Variants in CRAMP1 observed in about 807,000 individuals in gnomAD.
CRAMP1 encodes the protein cramped chromatin regulator 1, also known as protein cramped-like.
Under a neutral mutation model 115.4 loss-of-function variants are expected in CRAMP1, and 50 were observed. That is an observed-to-expected ratio of 0.43 (90% CI 0.35 to 0.55). The LOEUF is 0.55. Ranked by LOEUF, CRAMP1 falls within the 20% of genes least tolerant of loss-of-function variation. CRAMP1 has a pLI of 0.01. For missense variants in CRAMP1, 1,679 were observed against 1,721.7 expected, an observed-to-expected ratio of 0.98 and a Z score of 0.44; for synonymous variants, 866 against 745.4, an observed-to-expected ratio of 1.16 and a Z score of -2.64.
intron 5 of CRAMP1, among the ~76,000 whole-genome samples, chr16:1,638,312 C>G (rs1427560823): frequency 6.6e-6 from 1 of 152,224 alleles, no homozygotes; most frequent in Non-Finnish European, 1.5e-5. Flanking sequence ...TACCTAATTT[C>G]CTGCCCATAT....
rs2036948554 is a variant in CRAMP1, at chr16:1,674,258, T to C, written c.*213T>C. On this transcript the variant is annotated 3_prime_UTR_variant, in exon 21 of 21. Transcript: ENST00000397412. The stretch of plus-strand genomic sequence containing the variant: ...TCTTGGCAAGGGCCAGCGTTAGAAA[T>C]CACTGTGGTACTAGAGCCGTTCTTC... 1.7e-6 allele frequency: 1 copy of C among 589,458 alleles called. No homozygotes were observed. The highest frequency in any genetic ancestry group is 3.0e-6 in the Non-Finnish European group (1 of 331,986). 36.5% of individuals were successfully genotyped at this position (589,458 alleles called of 1,614,324 possible). A position where few individuals can be genotyped will look rare whatever the true frequency, so the allele number is the denominator to read the frequency against.
At chr16:1,653,713 C>T (rs773505307) in intron 8 of CRAMP1, among the ~76,000 whole-genome samples, 2 of 149,326 alleles carry the variant, frequency 1.3e-5, no homozygotes, top group African/African-American at 2.5e-5. Context: ...CCCAGCTACT[C>T]GGGAGGCTGA....
At chr16:1,626,303 G>A (rs747632277) in intron 3 of CRAMP1, 137 bp downstream of exon 3, 11 of 670,250 alleles carry the variant, frequency 1.6e-5, no homozygotes, top group Non-Finnish European at 2.4e-5. Context: ...GGCGGAGGCT[G>A]ATGTGGGCTC....
intron 2 of CRAMP1, among the ~76,000 whole-genome samples, chr16:1,622,302 C>T (rs1439254891): frequency 6.6e-6 from 1 of 152,186 alleles, no homozygotes; most frequent in Admixed American, 6.5e-5. Flanking sequence ...TATCTGAGTT[C>T]AGGAGCTCGT....
chr16:1,641,340 G>A (rs1476836586), intron 6 of CRAMP1, among the ~76,000 whole-genome samples, 153 bp downstream of exon 6: 2 of 152,156 alleles, frequency 1.3e-5, no homozygotes. Flanking sequence ...AAAGGTGCTT[G>A]GTCCAGGGAG....
intron 10 of CRAMP1, 115 bp downstream of exon 10, chr16:1,657,107 C>G (rs2036783099): frequency 4.0e-6 from 4 of 991,740 alleles, no homozygotes; most frequent in East Asian, 2.7e-5. Flanking sequence ...ATGAGAGAGA[C>G]AGGGTCCTGT....
intron 2 of CRAMP1, among the ~76,000 whole-genome samples, chr16:1,622,486 G>A (rs903562617): frequency 3.3e-5 from 5 of 152,144 alleles, no homozygotes; most frequent in African/African-American, 1.2e-4. Context: ...CTCCAGCCTG[G>A]GTGACAGAGC....
chr16:1,628,803 G>C (rs2142175440), intron 3 of CRAMP1, among the ~76,000 whole-genome samples: 1 of 152,342 alleles, frequency 6.6e-6, no homozygotes, highest in East Asian at 1.9e-4. Flanking sequence ...ATTGGATGCA[G>C]GGACCCCACC....
rs760973528 is a variant in CRAMP1 at position 1,666,450 on chromosome 16, C to T, written c.2886C>T (p.Ala962=). 22 of 1,613,472 alleles carry T rather than the reference C, an allele frequency of 1.4e-5. No homozygotes were observed. Among genetic ancestry groups the T allele is most frequent in the Middle Eastern group, 3.3e-4 (2 of 6,084 alleles). Residue 962 remains alanine, a synonymous_variant, in exon 16 of 21, where the codon GCC becomes GCT. Transcript: ENST00000397412. This position sits in a 1 kb window ranked among gnomAD's most constrained non-coding sequence, Gnocchi z 5.0. ...ASAIDLAATS[A]GILSGNPLPA... is the part of the protein sequence containing the mutation. ...CTATCGACTTAGCAGCTACAAGTGCCGGCATCCTTTCCGGGAACCCCCTCC... is the reference window on the plus strand; with the variant it reads ...CTATCGACTTAGCAGCTACAAGTGCTGGCATCCTTTCCGGGAACCCCCTCC...
rs1241632488 is a variant in CRAMP1 at position 1,673,935 on chromosome 16, T to G, written c.3700T>G (p.Ser1234Ala). ...MMNENSIDYI[S>A]RFNDLAQELS... ...GAACGAAAACAGCATTGATTACATT[T>G]CTCGGTTCAATGACCTGGCCCAAGA... The change falls in exon 21 of 21, where the codon TCT (serine) becomes GCT (alanine). Residue 1234 changes from serine to alanine, a missense_variant. By Grantham distance (99) the Ser-to-Ala change is moderately conservative. Transcript: ENST00000397412. 3 of 1,613,674 alleles carry G rather than the reference T, an allele frequency of 1.9e-6. No homozygotes were observed. Among genetic ancestry groups the G allele is most frequent in the Non-Finnish European group, 2.5e-6 (3 of 1,179,858 alleles).
intron 4 of CRAMP1, 137 bp downstream of exon 4, chr16:1,632,502 T>C (rs910242906): frequency 3.4e-6 from 3 of 871,654 alleles, no homozygotes; most frequent in Non-Finnish European, 5.2e-6. Flanking sequence ...GCTCCTCGCC[T>C]TGCAGCGCTT....
At chr16:1,633,082 T>C (rs904827240) in intron 4 of CRAMP1, among the ~76,000 whole-genome samples, 2 of 152,244 alleles carry the variant, frequency 1.3e-5, no homozygotes, top group Non-Finnish European at 2.9e-5. Context: ...CTCTGCCTTC[T>C]GAGCCTTCTT....
At chr16:1,631,360 A>G (rs1412134852) in intron 3 of CRAMP1, among the ~76,000 whole-genome samples, 1 of 151,962 alleles carries the variant, frequency 6.6e-6, no homozygotes, top group Non-Finnish European at 1.5e-5. Context: ...TCCTCTTCTC[A>G]CGTCCCCATC....
In CRAMP1 at chr16:1,669,185, T is replaced by TC. The variant is rs747819952; in HGVS notation, c.3499+23dup. On this transcript the variant is annotated intron_variant, in intron 19 of 20. Coordinates refer to ENST00000397412, the MANE Select transcript of CRAMP1 (RefSeq NM_020825.4). This position sits in a 1 kb window ranked among gnomAD's most constrained non-coding sequence, Gnocchi z 4.6. ...TGTTTGGTGAGTGTATGGGGAGGGCTCCCATCTCCTTTTCCAGGGCAGCAG... is the reference window on the plus strand; with the variant it reads ...TGTTTGGTGAGTGTATGGGGAGGGCTCCCCATCTCCTTTTCCAGGGCAGCAG... 152 of 1,543,360 alleles carry TC rather than the reference T, an allele frequency of 9.8e-5. No homozygotes were observed. The highest frequency in any genetic ancestry group is 1.2e-5 in the Non-Finnish European group (14 of 1,144,690).
Position 1,656,303 on chromosome 16 carries a change from C to T in CRAMP1, c.1546C>T (p.His516Tyr). Residue 516 changes from histidine to tyrosine, a missense_variant, in exon 10 of 21, where the codon CAC becomes TAC. Around this residue, in one of 8 missense-constraint regions of CRAMP1, gnomAD observed 405 missense variants for 302.6 expected, o/e 1.34. Coordinates refer to ENST00000397412, the MANE Select transcript of CRAMP1 (RefSeq NM_020825.4). This position sits in a 1 kb window ranked among gnomAD's most constrained non-coding sequence, Gnocchi z 5.6. ...PDAPDRPPPRHQDTGPCLEKT... is the reference protein window; with the variant it reads ...PDAPDRPPPRYQDTGPCLEKT... ...CGCTCCTGACAGGCCTCCTCCCAGG[C>T]ACCAGGACACTGGGCCATGTCTTGA... 6.2e-7 allele frequency: 1 copy of T among 1,611,980 alleles called. No homozygotes were observed. The highest frequency in any genetic ancestry group is 8.5e-7 in the Non-Finnish European group (1 of 1,179,600).
Position 1,662,426 on chromosome 16 carries a change from C to G in CRAMP1, c.2414-64C>G. 3.0e-6 allele frequency: 4 copies of G among 1,346,114 alleles called. 1 individual carries two copies. The South Asian group carries it at 5.0e-5, about 17-fold the overall frequency. 83.4% of individuals were successfully genotyped at this position (1,346,114 alleles called of 1,614,324 possible). A position where few individuals can be genotyped will look rare whatever the true frequency, so the allele number is the denominator to read the frequency against. On this transcript the variant is annotated intron_variant, in intron 11 of 20. Transcript: ENST00000397412. Reference sequence around the variant, plus strand: ...TTCTGACTTTCTTCCCAACGGAATTCCGTGACCCTGGACCTGTTGCTAGGT... The same window carrying G: ...TTCTGACTTTCTTCCCAACGGAATTGCGTGACCCTGGACCTGTTGCTAGGT...
At chr16:1,642,600 T>C (rs1176484994) in intron 6 of CRAMP1, among the ~76,000 whole-genome samples, 3 of 152,166 alleles carry the variant, frequency 2.0e-5, no homozygotes, top group Non-Finnish European at 2.9e-5. Context: ...TCTACCTCCA[T>C]CAGGCAGTAT....
rs1191048666 is a variant in CRAMP1 at position 1,671,105 on chromosome 16, GC to G, written c.3645+298del. Among the ~76,000 whole-genome samples the G allele has an allele frequency of 6.6e-6, 1 of 152,214 alleles. No homozygotes were observed. Among genetic ancestry groups the G allele is most frequent in the East Asian group, 1.9e-4 (1 of 5,202 alleles). On this transcript the variant is annotated intron_variant, in intron 20 of 20. Coordinates refer to ENST00000397412, the MANE Select transcript of CRAMP1 (RefSeq NM_020825.4). The surrounding 1 kb of genome is among the most constrained non-coding windows in gnomAD (Gnocchi z 5.0). ...AGCAGGGTCTCTGAAGGCAGCCAGA[GC>G]CGAGTGGGGATGTTACCTCTCCTTC...
rs1243703679 is a variant in CRAMP1, at chr16:1,669,148, C to T, written c.3482C>T (p.Ser1161Leu). The change falls in exon 19 of 21, where the codon TCG becomes TTG. Residue 1161 changes from serine (S) to leucine (L), a missense_variant. Around this residue, in one of 8 missense-constraint regions of CRAMP1, gnomAD observed 709 missense variants for 741.9 expected, o/e 0.96. Coordinates refer to ENST00000397412, the MANE Select transcript of CRAMP1 (RefSeq NM_020825.4). This position sits in a 1 kb window ranked among gnomAD's most constrained non-coding sequence, Gnocchi z 4.6. The stretch of plus-strand genomic sequence containing the variant: ...TACCCCAGTGACTCCACCGACTCCT[C>T]GCTCAGCAGCCTGTTTGGTGAGTGT... Reference protein sequence around the residue: ...QWYPSDSTDSSLSSLFASFIS... With the variant: ...QWYPSDSTDSLLSSLFASFIS... 3.1e-6 allele frequency: 5 copies of T among 1,602,868 alleles called. No homozygotes were observed. The highest frequency in any genetic ancestry group is 3.4e-6 in the Non-Finnish European group (4 of 1,174,316).
Sources: allele counts gnomAD v4.1 joint callset (sites outside exome capture counted in the v4.1 genomes callset), GRCh38; gene constraint gnomAD v4.1.1; regional missense constraint gnomAD v4.1.1; non-coding constraint Gnocchi (gnomAD v3.1); transcripts MANE v1.5; gene names NCBI Gene and HGNC (gene_info 2026-07-23, HGNC 2026-07-21).